MSI2: variants seen among roughly 807,000 people sequenced by gnomAD.
The protein encoded by MSI2 is musashi RNA binding protein 2, also known as RNA-binding protein Musashi homolog 2.
MSI2 carries 17 observed loss-of-function variants against 45.6 expected under a neutral mutation model. That is an observed-to-expected ratio of 0.37 (90% CI 0.26 to 0.56). The LOEUF is 0.56. Ranked by LOEUF, MSI2 falls within the 20% of genes least tolerant of loss-of-function variation. The pLI is 0.77. For synonymous variants in MSI2, 156 were observed against 158.2 expected (o/e 0.99, Z 0.11); for missense variants, 293 against 444.2 (o/e 0.66, Z 3.06).
intron 5 of MSI2, among the ~76,000 whole-genome samples, chr17:57,322,679 G>A (rs150675608): frequency 7.0e-4 from 106 of 152,248 alleles, no homozygotes; most frequent in African/African-American, 2.4e-3. Flanking sequence ...GTGACGTGCC[G>A]CCCACAAGGT....
At chr17:57,318,015 A>G (rs1489169133) in intron 5 of MSI2, among the ~76,000 whole-genome samples, 1 of 152,090 alleles carries the variant, frequency 6.6e-6, no homozygotes, top group East Asian at 1.9e-4. Flanking sequence ...TGGGAGTGGT[A>G]GCACACACTT....
At chr17:57,537,446 G>A (rs527753665) in intron 7 of MSI2, among the ~76,000 whole-genome samples, 4 of 152,256 alleles carry the variant, frequency 2.6e-5, no homozygotes, top group Admixed American at 1.3e-4. Context: ...TTATTTTCTC[G>A]TTAAATAAAC....
chr17:57,538,618 C>G (rs2086973642), intron 7 of MSI2, among the ~76,000 whole-genome samples: 1 of 152,150 alleles, frequency 6.6e-6, no homozygotes, highest in Non-Finnish European at 1.5e-5. Context: ...CCCCCTTCCT[C>G]CTTAAGTGAA....
chr17:57,683,415 CT>C lies in MSI2; in HGVS notation c.*3901del. 4.4e-6 allele frequency: 1 copy of C among 229,124 alleles called. No individual in the cohort carries two copies. The highest frequency in any genetic ancestry group is 8.7e-6 in the Non-Finnish European group (1 of 115,496). The allele number at this position is 229,124 out of a possible 1,614,324, so 14.2% of individuals were successfully genotyped here. A position where few individuals can be genotyped will look rare whatever the true frequency, so the allele number is the denominator to read the frequency against. On this transcript the variant is annotated 3_prime_UTR_variant, in exon 14 of 14. Coordinates refer to ENST00000284073, the MANE Select transcript of MSI2 (RefSeq NM_138962.4). The surrounding 1 kb of genome is among the most constrained non-coding windows in gnomAD (Gnocchi z 5.2). ...ATAGAAAAACAAAACCTATTTTGAT[CT>C]TTAGTGCAAACGAGGGCTAGGGACT...
chr17:57,374,132 T>G (rs1207901720), intron 5 of MSI2, among the ~76,000 whole-genome samples: 2 of 152,148 alleles, frequency 1.3e-5, no homozygotes, highest in South Asian at 2.1e-4. Context: ...AACTAGAGAA[T>G]TGTCCAGAAT....
intron 5 of MSI2, among the ~76,000 whole-genome samples, chr17:57,354,191 G>GA (rs1340605627): frequency 6.6e-6 from 1 of 152,152 alleles, no homozygotes; most frequent in Non-Finnish European, 1.5e-5. Context: ...TCAGGTAAGA[G>GA]AAAAACAGAT....
chr17:57,401,316 C>T (rs542407543), intron 5 of MSI2, 63 bp from the exon 6 acceptor site: 606 of 1,325,446 alleles, frequency 4.6e-4, no homozygotes, highest in Non-Finnish European at 6.1e-4. Context: ...GTTTCAGCAG[C>T]CTCTTGAGCC....
chr17:57,278,019 T>C (rs544300684), intron 5 of MSI2: 7 of 152,452 alleles, frequency 4.6e-5, no homozygotes, highest in African/African-American at 1.7e-4. Flanking sequence ...GGCAACACAG[T>C]GAGAACCCTC....
At chr17:57,616,227 T>A (rs1362366074) in intron 9 of MSI2, 143 bp downstream of exon 9, 6 of 623,228 alleles carry the variant, frequency 9.6e-6, no homozygotes, top group Non-Finnish European at 1.4e-5. Context: ...GGATGATAAT[T>A]CCCCGTTCCA....
At chr17:57,465,632 C>T (rs2085316571) in intron 6 of MSI2, among the ~76,000 whole-genome samples, 1 of 152,188 alleles carries the variant, frequency 6.6e-6, no homozygotes, top group African/African-American at 2.4e-5. Flanking sequence ...TTACCCAAAG[C>T]CCATGGGAGG....
intron 6 of MSI2, among the ~76,000 whole-genome samples, chr17:57,454,409 C>T (rs951076779): frequency 5.3e-5 from 8 of 151,106 alleles, no homozygotes; most frequent in African/African-American, 1.9e-4. Flanking sequence ...TTCCTTCTTT[C>T]CTCTCTCTCT....
intron 6 of MSI2, among the ~76,000 whole-genome samples, chr17:57,423,435 C>T (rs146732978): frequency 6.6e-6 from 1 of 152,288 alleles, no homozygotes; most frequent in Non-Finnish European, 1.5e-5. Context: ...CTACAAATTT[C>T]GGCTTTGTAG....
At chr17:57,554,456 CT>C (rs1567896184) in intron 7 of MSI2, among the ~76,000 whole-genome samples, 1 of 151,972 alleles carries the variant, frequency 6.6e-6, no homozygotes, top group Non-Finnish European at 1.5e-5. Context: ...ACCATCCCCC[CT>C]CTCCTCCTCA....
intron 7 of MSI2, among the ~76,000 whole-genome samples, chr17:57,569,309 C>T (rs2087815466): frequency 6.6e-6 from 1 of 152,152 alleles, no homozygotes; most frequent in Admixed American, 6.5e-5. Context: ...CAGTTTGCTG[C>T]CAGGTGTTTG....
chr17:57,563,746 G>GCACACACACACACACACACA lies in MSI2; in HGVS notation c.455-33103_455-33084dup, dbSNP rs61342598. On this transcript the variant is annotated intron_variant, in intron 7 of 13. Coordinates refer to ENST00000284073, the MANE Select transcript of MSI2 (RefSeq NM_138962.4). ...TTCCCTCTCACACACACACAGGCGC[G>GCACACACACACACACACACA]CACACACACACACACACACACACAC... Among the ~76,000 whole-genome samples the GCACACACACACACACACACA allele has an allele frequency of 4.3e-5, 6 of 139,398 alleles. No individual in the cohort carries two copies. The East Asian group carries it at 1.1e-3, about 25-fold the overall frequency. The allele number at this position is 139,398 out of a possible 152,430, so 91.5% of individuals were successfully genotyped here. A position where few individuals can be genotyped will look rare whatever the true frequency, so the allele number is the denominator to read the frequency against.
chr17:57,420,289 C>T (rs1162678690), intron 6 of MSI2, among the ~76,000 whole-genome samples: 3 of 152,328 alleles, frequency 2.0e-5, no homozygotes, highest in Non-Finnish European at 4.4e-5. Flanking sequence ...TAGCGACTGA[C>T]GTTCGGGGCA....
At chr17:57,423,092 G>A (rs867154200) in intron 6 of MSI2, among the ~76,000 whole-genome samples, 14 of 152,228 alleles carry the variant, frequency 9.2e-5, no homozygotes, top group Middle Eastern at 6.8e-3. Context: ...AGATATGTGG[G>A]TTCGAGTCCC....
chr17:57,694,135 A>T, the MSI2 span, among the ~76,000 whole-genome samples: 1 of 152,206 alleles, frequency 6.6e-6, no homozygotes, highest in Admixed American at 6.5e-5. Context: ...ATGGCCCACA[A>T]CACCTAAAAT....
At position 57,648,752 on chromosome 17, in the gene MSI2, C is replaced by A. The variant is rs76908971; in HGVS notation, c.728-3347C>A. ...CCTTGAGCCCTGCCAGACCACCTGCCTGGTTCCCTGCAGTCTTCCCCCAAG... is the reference window on the plus strand; with the variant it reads ...CCTTGAGCCCTGCCAGACCACCTGCATGGTTCCCTGCAGTCTTCCCCCAAG... On this transcript the variant is annotated intron_variant, in intron 10 of 13. Coordinates refer to ENST00000284073, the MANE Select transcript of MSI2 (RefSeq NM_138962.4). Among the ~76,000 whole-genome samples the A allele has an allele frequency of 4.7e-4, 71 of 152,298 alleles. No homozygotes were observed. In the East Asian group the frequency reaches 0.012, roughly 26 times the overall value.
Sources: allele counts gnomAD v4.1 joint callset (sites outside exome capture counted in the v4.1 genomes callset), GRCh38; gene constraint gnomAD v4.1.1; non-coding constraint Gnocchi (gnomAD v3.1); transcripts MANE v1.5; gene names NCBI Gene and HGNC (gene_info 2026-07-23, HGNC 2026-07-21).